Variants in CDH8 observed in about 807,000 individuals in gnomAD.
CDH8 encodes cadherin 8.
A neutral mutation model predicts 68.1 loss-of-function variants in CDH8; 17 were observed. That is an observed-to-expected ratio of 0.25 (90% CI 0.17 to 0.37). The LOEUF is 0.37. Ranked by LOEUF, CDH8 falls within the 10% of genes least tolerant of loss-of-function variation. The pLI, the probability that CDH8 is intolerant of heterozygous loss-of-function variation, is 1.00. For missense variants in CDH8, 763 were observed against 999.3 expected (o/e 0.76, Z 3.19); for synonymous variants, 372 against 365.1 (o/e 1.02, Z -0.21).
At chr16:61,789,677 A>T (rs555704589) in intron 7 of CDH8, among the ~76,000 whole-genome samples, 195 bp from the exon 8 acceptor site, 3 of 152,120 alleles carry the variant, frequency 2.0e-5, no homozygotes, top group African/African-American at 7.2e-5. Flanking sequence ...CCAAGGAGCA[A>T]TTAGCTACAT....
intron 7 of CDH8, 131 bp from the exon 8 acceptor site, chr16:61,789,613 A>G: frequency 1.2e-6 from 1 of 831,744 alleles, no homozygotes; most frequent in Non-Finnish European, 1.7e-6. Flanking sequence ...GTGGCATCAT[A>G]ATTTATAAAA....
chr16:61,931,982 C>A (rs1026640671), intron 2 of CDH8, among the ~76,000 whole-genome samples: 1 of 151,702 alleles, frequency 6.6e-6, no homozygotes, highest in Non-Finnish European at 1.5e-5. Context: ...CCGAGGCGGG[C>A]GGATCACGAG....
intron 4 of CDH8, among the ~76,000 whole-genome samples, chr16:61,836,954 A>C (rs1962581360): frequency 6.6e-6 from 1 of 151,976 alleles, no homozygotes; most frequent in African/African-American, 2.4e-5. Flanking sequence ...CTAACCCTGG[A>C]TAATCTTCTC....
chr16:61,908,215 G>T (rs1315339204), intron 2 of CDH8, among the ~76,000 whole-genome samples: 2 of 152,156 alleles, frequency 1.3e-5, no homozygotes, highest in Non-Finnish European at 2.9e-5. Flanking sequence ...CTGTCAGGCA[G>T]AAAGAGAGAA....
intron 2 of CDH8, among the ~76,000 whole-genome samples, chr16:61,992,843 C>A (rs1441234547): frequency 6.6e-6 from 1 of 151,990 alleles, no homozygotes; most frequent in Non-Finnish European, 1.5e-5. Flanking sequence ...GGCTGGAGTG[C>A]AGTGGCACAA....
chr16:61,652,791 G>T lies in CDH8; in HGVS notation c.*817C>A. 1.5e-6 allele frequency: 2 copies of T among 1,335,560 alleles called. No homozygotes were observed. The highest frequency in any genetic ancestry group is 1.9e-6 in the Non-Finnish European group (2 of 1,040,668). The allele number at this position is 1,335,560 out of a possible 1,614,324, so 82.7% of individuals were successfully genotyped here. On this transcript the variant is annotated 3_prime_UTR_variant, in exon 12 of 12. Transcript: ENST00000577390. The stretch of plus-strand genomic sequence containing the variant: ...TCGAGGATTAAACAAATAAATTCAC[G>T]CGCTAGCAATAAAACCATCTGTCTC...
At chr16:61,822,185 T>A (rs1276901874) in intron 5 of CDH8, among the ~76,000 whole-genome samples, 2 of 139,570 alleles carry the variant, frequency 1.4e-5, no homozygotes. Context: ...CCCACTGTAG[T>A]AACTGGCTCA....
At chr16:61,998,597 A>G (rs1490865413) in intron 2 of CDH8, among the ~76,000 whole-genome samples, 1 of 152,122 alleles carries the variant, frequency 6.6e-6, no homozygotes, top group Non-Finnish European at 1.5e-5. Context: ...AGATGTACCT[A>G]AGCTCTCACC....
chr16:61,914,945 A>G (rs1023597714), intron 2 of CDH8, among the ~76,000 whole-genome samples: 6 of 152,188 alleles, frequency 3.9e-5, no homozygotes, highest in Non-Finnish European at 8.8e-5. Context: ...TTTCATTTTA[A>G]GCCACTAAAT....
rs551282966 is a variant in CDH8 at position 61,666,275 on chromosome 16, A to T, written c.1655-10554T>A. ...CAAGCATCCAGTCTGGGTTTGGAACATATCCCCTGCAGATGAAAAAGGGAA... is the reference window on the plus strand; with the variant it reads ...CAAGCATCCAGTCTGGGTTTGGAACTTATCCCCTGCAGATGAAAAAGGGAA... On this transcript the variant is annotated intron_variant, in intron 10 of 11. Coordinates refer to ENST00000577390, the MANE Select transcript of CDH8 (RefSeq NM_001796.5). Among the ~76,000 whole-genome samples the T allele has an allele frequency of 3.3e-5, 5 of 151,964 alleles. No homozygotes were observed. In the South Asian group the frequency reaches 1.0e-3, roughly 32 times the overall value.
chr16:61,904,835 G>A (rs759989132), intron 2 of CDH8, among the ~76,000 whole-genome samples: 21 of 152,134 alleles, frequency 1.4e-4, no homozygotes, highest in East Asian at 9.8e-4. Flanking sequence ...TGCTCTTCAC[G>A]TAAGGGTGTT....
rs200141457 is a variant in CDH8, at chr16:61,684,107, TC to T, written c.1655-28387del. On this transcript the variant is annotated intron_variant, in intron 10 of 11. Coordinates refer to ENST00000577390, the MANE Select transcript of CDH8 (RefSeq NM_001796.5). ...GTATTGTGTCTTGATAATTCCCTTT[TC>T]CCCTTACTCTCTTACAAATATATGG... Among the ~76,000 whole-genome samples, 19 of 152,104 alleles carry T rather than the reference TC, an allele frequency of 1.2e-4. No homozygotes were observed. In the East Asian group the frequency reaches 3.3e-3, roughly 26 times the overall value.
chr16:61,901,567 A>C, intron 2 of CDH8, 94 bp from the exon 3 acceptor site: 1 of 808,654 alleles, frequency 1.2e-6, no homozygotes, highest in Non-Finnish European at 2.0e-6. Flanking sequence ...GGTTCTTTTT[A>C]CATAACATCA....
chr16:61,938,436 G>A (rs1462677358), intron 2 of CDH8, among the ~76,000 whole-genome samples: 1 of 152,100 alleles, frequency 6.6e-6, no homozygotes, highest in Non-Finnish European at 1.5e-5. Context: ...TTGCCTGAAG[G>A]GGAAATATAT....
At chr16:62,016,579 C>T (rs1051327941) in intron 2 of CDH8, among the ~76,000 whole-genome samples, 9 of 152,300 alleles carry the variant, frequency 5.9e-5, no homozygotes, top group African/African-American at 2.2e-4. Flanking sequence ...CATAATTGGG[C>T]TAAGTGTCCC....
At chr16:61,895,128 C>T (rs1963848214) in intron 3 of CDH8, among the ~76,000 whole-genome samples, 1 of 152,068 alleles carries the variant, frequency 6.6e-6, no homozygotes, top group Admixed American at 6.6e-5. Flanking sequence ...CTTAAACTTC[C>T]TATCCAATTC....
At chr16:61,732,605 G>C (rs1959567085) in intron 8 of CDH8, among the ~76,000 whole-genome samples, 1 of 151,676 alleles carries the variant, frequency 6.6e-6, no homozygotes, top group Non-Finnish European at 1.5e-5. Flanking sequence ...TAGAATCCCT[G>C]CTACACTCAC....
chr16:61,809,838 G>A (rs1380451455), intron 7 of CDH8, among the ~76,000 whole-genome samples: 1 of 152,176 alleles, frequency 6.6e-6, no homozygotes, highest in African/African-American at 2.4e-5. Flanking sequence ...CTTAGAGGGT[G>A]CAATGCACCT....
At chr16:61,797,309 G>A (rs750247349) in intron 7 of CDH8, among the ~76,000 whole-genome samples, 3 of 151,934 alleles carry the variant, frequency 2.0e-5, no homozygotes, top group Non-Finnish European at 4.4e-5. Context: ...TTTGAATGTC[G>A]TGGATCTTTC....
Sources: allele counts gnomAD v4.1 joint callset (sites outside exome capture counted in the v4.1 genomes callset), GRCh38; gene constraint gnomAD v4.1.1; transcripts MANE v1.5; gene names NCBI Gene and HGNC (gene_info 2026-07-23, HGNC 2026-07-21).